Variants in DPP8 observed in about 807,000 individuals in gnomAD.
DPP8 encodes the protein dipeptidyl peptidase 8, also known as DPP VIII.
A neutral mutation model predicts 107.5 loss-of-function variants in DPP8; 31 were observed. The ratio of observed to expected loss-of-function variants is 0.29; its 90% CI spans 0.22 to 0.39. The LOEUF (loss-of-function observed/expected upper bound fraction) is 0.39, where lower values mean the gene tolerates loss of function less well. DPP8 is among the 10% of genes least tolerant of loss of function. DPP8 has a pLI of 1.00. For synonymous variants in DPP8, 381 were observed against 356.6 expected (o/e 1.07, Z -0.77); for missense variants, 842 against 1,076.1 (o/e 0.78, Z 3.04).
Position 65,443,506 on chromosome 15 carries a change from G to C in DPP8, c.*3378C>G, listed in dbSNP as rs1426732742. On this transcript the variant is annotated 3_prime_UTR_variant, in exon 20 of 20. Transcript: ENST00000300141. ...TAAAACAAGTAGTAAAAAAAAAAAAGTAAGCATCGGTATCAATATCGCATT... is the reference window on the plus strand; with the variant it reads ...TAAAACAAGTAGTAAAAAAAAAAAACTAAGCATCGGTATCAATATCGCATT... 3 of 141,336 alleles carry C rather than the reference G, an allele frequency of 2.1e-5. No homozygotes were observed. The South Asian group carries it at 6.7e-4, about 32-fold the overall frequency. The allele number at this position is 141,336 out of a possible 1,614,324, so 8.8% of individuals were successfully genotyped here.
At chr15:65,504,558 A>G (rs1282831870) in intron 3 of DPP8, among the ~76,000 whole-genome samples, 3 of 150,342 alleles carry the variant, frequency 2.0e-5, no homozygotes, top group Non-Finnish European at 4.4e-5. Context: ...AGTCCCAGCT[A>G]CTTGGGAGGC....
chr15:65,472,617 T>A (rs936128389), intron 12 of DPP8, among the ~76,000 whole-genome samples: 1 of 152,190 alleles, frequency 6.6e-6, no homozygotes, highest in African/African-American at 2.4e-5. Context: ...CAATTTATAA[T>A]GTAGACACAA....
chr15:65,508,684 C>T (rs534177404), intron 2 of DPP8, among the ~76,000 whole-genome samples: 143 of 152,190 alleles, frequency 9.4e-4, no homozygotes, highest in African/African-American at 3.3e-3. Context: ...GAAACCCTGC[C>T]TCTACTAAAA....
chr15:65,506,986 G>T (rs2070111307), intron 3 of DPP8, among the ~76,000 whole-genome samples: 1 of 151,998 alleles, frequency 6.6e-6, no homozygotes, highest in Admixed American at 6.6e-5. Context: ...TAAAAAATGT[G>T]AGAACTACGT....
At chr15:65,494,163 T>TTTTTTTA (rs3985661) in intron 5 of DPP8, among the ~76,000 whole-genome samples, 3 of 148,714 alleles carry the variant, frequency 2.0e-5, no homozygotes, top group Non-Finnish European at 3.0e-5. Flanking sequence ...TTTTTTTTTT[T>TTTTTTTA]AGAGACAGGG....
chr15:65,513,051 T>C (rs352476), intron 1 of DPP8, among the ~76,000 whole-genome samples: 66,940 of 152,112 alleles, frequency 0.44, 17,252 homozygotes, highest in Non-Finnish European at 0.57. Context: ...GTAATAAAAT[T>C]GTCAAAAATA....
At chr15:65,481,468 C>T in intron 9 of DPP8, 47 bp downstream of exon 9, 11 of 1,299,924 alleles carry the variant, frequency 8.5e-6, no homozygotes, top group Non-Finnish European at 9.8e-6. Context: ...TTCCAAAGCT[C>T]TGGATCCTAA....
rs2070960886 is a variant in DPP8 at position 65,512,761 on chromosome 15, A to C, written c.-11-197T>G. The C allele has an allele frequency of 5.0e-6, 3 of 598,514 alleles. No homozygotes were observed. In the African/African-American group the frequency reaches 5.6e-5, roughly 11 times the overall value. 37.1% of individuals were successfully genotyped at this position (598,514 alleles called of 1,614,324 possible). ...GTTCAGTTTAAAAATGAAATTAAAA[A>C]AAAATTGAGGTCAGGTCTACTTCAC... On this transcript the variant is annotated intron_variant, in intron 1 of 19. Coordinates refer to ENST00000300141, the MANE Select transcript of DPP8 (RefSeq NM_130434.5).
In DPP8 at chr15:65,445,666, G is replaced by T. The variant is rs2063472171; in HGVS notation, c.*1218C>A. The T allele has an allele frequency of 6.6e-6, 1 of 152,056 alleles. No individual in the cohort carries two copies. Among genetic ancestry groups the T allele is most frequent in the South Asian group, 2.1e-4 (1 of 4,776 alleles). 9.4% of individuals were successfully genotyped at this position (152,056 alleles called of 1,614,324 possible). On this transcript the variant is annotated 3_prime_UTR_variant, in exon 20 of 20. Transcript: ENST00000300141. ...AATTATGTTCAAATAATTTTAAAAG[G>T]ATAAAGTTTAAATTTGTAAGATTTC...
intron 19 of DPP8, among the ~76,000 whole-genome samples, chr15:65,448,182 T>A (rs904822512): frequency 6.6e-6 from 1 of 151,768 alleles, no homozygotes; most frequent in Non-Finnish European, 1.5e-5. Flanking sequence ...CCCAGGAGTT[T>A]GAAACGAGCC....
chr15:65,487,171 T>TA (rs539480264), intron 7 of DPP8, among the ~76,000 whole-genome samples: 1 of 152,064 alleles, frequency 6.6e-6, no homozygotes, highest in East Asian at 1.9e-4. Flanking sequence ...TTTTCTGAGA[T>TA]AGAGTTTCAC....
chr15:65,512,755 T>A, intron 1 of DPP8, 191 bp from the exon 2 acceptor site: 4 of 605,686 alleles, frequency 6.6e-6, no homozygotes, highest in African/African-American at 1.9e-5. Flanking sequence ...AAAAATGAAA[T>A]TAAAAAAAAA....
chr15:65,459,389 A>C, intron 15 of DPP8: 1 of 151,874 alleles, frequency 6.6e-6, no homozygotes, highest in Non-Finnish European at 1.5e-5. Flanking sequence ...TCTGGTCTCG[A>C]ACTCCTGGGC....
At chr15:65,505,950 A>AG (rs2069919760) in intron 3 of DPP8, among the ~76,000 whole-genome samples, 1 of 3,752 alleles carries the variant, frequency 2.7e-4, no homozygotes, top group African/African-American at 3.0e-4. Context: ...ACTGTGTCTC[A>AG]AAAAAAAAAA....
At position 65,454,464 on chromosome 15, in the gene DPP8, C is replaced by T. The variant is rs763916455; in HGVS notation, c.2119-49G>A. On this transcript the variant is annotated intron_variant, in intron 16 of 19. Coordinates refer to ENST00000300141, the MANE Select transcript of DPP8 (RefSeq NM_130434.5). ...CACTGATTCTGATGAATAAAAGTCT[C>T]GTAAGAGTGCTTTCAAAGATGATAA... 8.8e-6 allele frequency: 13 copies of T among 1,474,660 alleles called. No homozygotes were observed. In the Admixed American group the frequency reaches 1.2e-4, roughly 13 times the overall value. The allele number at this position is 1,474,660 out of a possible 1,614,324, so 91.3% of individuals were successfully genotyped here. A position where few individuals can be genotyped will look rare whatever the true frequency, so the allele number is the denominator to read the frequency against.
intron 19 of DPP8, among the ~76,000 whole-genome samples, chr15:65,450,284 A>G (rs1027736470): frequency 6.6e-6 from 1 of 152,126 alleles, no homozygotes; most frequent in Admixed American, 6.6e-5. Flanking sequence ...TTATTATTTT[A>G]AAATATTTAA....
intron 17 of DPP8, among the ~76,000 whole-genome samples, chr15:65,452,648 A>C (rs1387110132): frequency 1.3e-5 from 2 of 152,178 alleles, no homozygotes; most frequent in Admixed American, 1.3e-4. Flanking sequence ...ATGTGCAAGA[A>C]TAAAAACCTT....
At chr15:65,495,997 T>G (rs1386515348) in intron 5 of DPP8, among the ~76,000 whole-genome samples, 3 of 152,006 alleles carry the variant, frequency 2.0e-5, no homozygotes, top group Non-Finnish European at 4.4e-5. Context: ...TTTTCTTTTT[T>G]TTTTTAGACG....
intron 11 of DPP8, chr15:65,475,327 G>T (rs567899775): frequency 2.8e-6 from 3 of 1,063,022 alleles, no homozygotes; most frequent in Admixed American, 1.8e-5. Context: ...GTCAGCTGCT[G>T]CCCCGAGCCA....
Sources: allele counts gnomAD v4.1 joint callset (sites outside exome capture counted in the v4.1 genomes callset), GRCh38; gene constraint gnomAD v4.1.1; transcripts MANE v1.5; gene names NCBI Gene and HGNC (gene_info 2026-07-23, HGNC 2026-07-21).